Variants in CRYZ observed in about 807,000 individuals in gnomAD.
CRYZ encodes crystallin zeta.
In CRYZ, 35 loss-of-function variants were observed where a neutral mutation model predicts 34.1. The ratio of observed to expected loss-of-function variants is 1.03; its 90% CI spans 0.78 to 1.36. CRYZ has a LOEUF of 1.36. Ranked by LOEUF, CRYZ falls within the 40% of genes most tolerant of loss-of-function variation. CRYZ has a pLI of 0.00. For missense variants in CRYZ, 403 were observed against 391.8 expected, an observed-to-expected ratio of 1.03 and a Z score of -0.24; for synonymous variants, 137 against 136.5, an observed-to-expected ratio of 1.00 and a Z score of -0.03.
intron 5 of CRYZ, among the ~76,000 whole-genome samples, chr1:74,710,853 A>G (rs926384670): frequency 6.6e-6 from 1 of 152,236 alleles, no homozygotes; most frequent in East Asian, 1.9e-4. Flanking sequence ...GTGGAGGAAG[A>G]TAATAGTCAT....
intron 5 of CRYZ, among the ~76,000 whole-genome samples, chr1:74,711,744 C>A (rs937761904): frequency 1.3e-5 from 2 of 152,112 alleles, no homozygotes; most frequent in African/African-American, 4.8e-5. Context: ...CGGAGCAAGA[C>A]CCTGTCTCTA....
At chr1:74,711,867 T>G (rs899878620) in intron 5 of CRYZ, among the ~76,000 whole-genome samples, 3 of 152,162 alleles carry the variant, frequency 2.0e-5, no homozygotes, top group Non-Finnish European at 4.4e-5. Flanking sequence ...TCAAAAGGGT[T>G]CAACTGGAGA....
At chr1:74,732,007 A>T (rs1647781855) in intron 1 of CRYZ, among the ~76,000 whole-genome samples, 1 of 152,186 alleles carries the variant, frequency 6.6e-6, no homozygotes, top group Non-Finnish European at 1.5e-5. Context: ...GCTCCGGGAA[A>T]CCTGTAATTG....
At position 74,721,372 on chromosome 1, in the gene CRYZ, G is replaced by C. The variant is rs1302383276; in HGVS notation, c.264+1746C>G. Reference sequence around the variant, plus strand: ...AGAATAAACTACACTGTGAGGAGGAGTGGGAGTTAAGACTGGAAAGACAGA... The same window carrying C: ...AGAATAAACTACACTGTGAGGAGGACTGGGAGTTAAGACTGGAAAGACAGA... On this transcript the variant is annotated intron_variant, in intron 3 of 8. Coordinates refer to ENST00000340866, the MANE Select transcript of CRYZ (RefSeq NM_001889.4). Among the ~76,000 whole-genome samples the C allele has an allele frequency of 2.0e-5, 3 of 152,288 alleles. No individual in the cohort carries two copies. The East Asian group carries it at 5.8e-4, about 29-fold the overall frequency.
At position 74,706,209 on chromosome 1, in the gene CRYZ, TGTTA is replaced by T; in HGVS notation, c.*83_*86del. Reference sequence around the variant, plus strand: ...CACATAAGAAGCTCATGGAATCGAATGTTAATTAAAGAAAAGATAGGGTAAGTAC... The same window carrying T: ...CACATAAGAAGCTCATGGAATCGAATATTAAAGAAAAGATAGGGTAAGTAC... On this transcript the variant is annotated 3_prime_UTR_variant, in exon 9 of 9. Coordinates refer to ENST00000340866, the MANE Select transcript of CRYZ (RefSeq NM_001889.4). The T allele has an allele frequency of 8.8e-7, 1 of 1,141,494 alleles. No individual in the cohort carries two copies. The highest frequency in any genetic ancestry group is 1.2e-6 in the Non-Finnish European group (1 of 830,012). 70.7% of individuals were successfully genotyped at this position (1,141,494 alleles called of 1,614,324 possible). A position where few individuals can be genotyped will look rare whatever the true frequency, so the allele number is the denominator to read the frequency against.
In CRYZ at chr1:74,706,110, T is replaced by C. The variant is rs1557718930; in HGVS notation, c.*186A>G. On this transcript the variant is annotated 3_prime_UTR_variant, in exon 9 of 9. Coordinates refer to ENST00000340866, the MANE Select transcript of CRYZ (RefSeq NM_001889.4). ...ACTCTTTGATTTGAGACAGATGGCA[T>C]AAAAAAATATTGCTAGCTATACAAT... 1 of 481,856 alleles carries C rather than the reference T, an allele frequency of 2.1e-6. No individual in the cohort carries two copies. Among genetic ancestry groups the C allele is most frequent in the African/African-American group, 2.0e-5 (1 of 50,304 alleles). 29.8% of individuals were successfully genotyped at this position (481,856 alleles called of 1,614,324 possible). A position where few individuals can be genotyped will look rare whatever the true frequency, so the allele number is the denominator to read the frequency against.
chr1:74,712,317 C>T (rs965964023), intron 5 of CRYZ, among the ~76,000 whole-genome samples: 1 of 152,152 alleles, frequency 6.6e-6, no homozygotes, highest in Non-Finnish European at 1.5e-5. Flanking sequence ...GATATCTACT[C>T]TCTAGATGCC....
At chr1:74,731,746 A>G (rs1647756602) in intron 1 of CRYZ, among the ~76,000 whole-genome samples, 1 of 152,194 alleles carries the variant, frequency 6.6e-6, no homozygotes, top group Non-Finnish European at 1.5e-5. Context: ...GTGGCTTCAG[A>G]GGGACTCGCA....
At chr1:74,719,522 G>T in intron 3 of CRYZ, 150 bp from the exon 4 acceptor site, 1 of 603,098 alleles carries the variant, frequency 1.7e-6, no homozygotes, top group Non-Finnish European at 2.6e-6. Flanking sequence ...TTGAGACAGA[G>T]TCTTGCACTG....
chr1:74,709,279 C>T (rs1646970117), intron 6 of CRYZ, among the ~76,000 whole-genome samples: 1 of 152,058 alleles, frequency 6.6e-6, no homozygotes, highest in Admixed American at 6.6e-5. Context: ...AAAAACCATA[C>T]TCTTAAAATA....
intron 4 of CRYZ, among the ~76,000 whole-genome samples, chr1:74,717,238 A>T (rs909033700): frequency 3.3e-5 from 5 of 150,608 alleles, no homozygotes; most frequent in Non-Finnish European, 7.5e-5. Flanking sequence ...TCCTTAAAAA[A>T]AAAAATCCCT....
At chr1:74,732,763 C>T (rs1245433784) in intron 1 of CRYZ, 193 bp downstream of exon 1, 1 of 157,396 alleles carries the variant, frequency 6.4e-6, no homozygotes, top group African/African-American at 2.4e-5. Context: ...GCAAAACTTC[C>T]TACCTGATTT....
At chr1:74,726,053 C>G (rs945529632) in intron 1 of CRYZ, among the ~76,000 whole-genome samples, 3 of 152,212 alleles carry the variant, frequency 2.0e-5, no homozygotes, top group African/African-American at 7.2e-5. Context: ...TTTTCATGGG[C>G]TGGCATTGAG....
Position 74,724,780 on chromosome 1 carries a change from A to G in CRYZ, c.42T>C (p.Phe14=), listed in dbSNP as rs928692967. 18 of 1,613,390 alleles carry G rather than the reference A, an allele frequency of 1.1e-5. 1 individual carries two copies. In the South Asian group the frequency reaches 1.9e-4, roughly 17 times the overall value. ...GQKLMRAVRV[F]EFGGPEVLKL... is the part of the protein sequence containing the mutation. The stretch of plus-strand genomic sequence containing the variant: ...TCAGGACTTCTGGCCCACCAAATTC[A>G]AAAACTCTAACAGCTCTCATCAACT... The change falls in exon 2 of 9, where the codon TTT becomes TTC. Residue 14 remains phenylalanine, a synonymous_variant. Coordinates refer to ENST00000340866, the MANE Select transcript of CRYZ (RefSeq NM_001889.4).
Position 74,719,391 on chromosome 1 carries a change from G to C in CRYZ, c.265-19C>G. ...CACCTTTCTAGGGGAAGAGATAAAT[G>C]AATAAATGCAGGAAGACTAAACATA... On this transcript the variant is annotated intron_variant, in intron 3 of 8. Transcript: ENST00000340866. 1.3e-6 allele frequency: 2 copies of C among 1,597,704 alleles called. No individual in the cohort carries two copies. Among genetic ancestry groups the C allele is most frequent in the Non-Finnish European group, 1.7e-6 (2 of 1,168,370 alleles).
At chr1:74,723,412 T>A in intron 2 of CRYZ, 142 bp from the exon 3 acceptor site, 1 of 711,346 alleles carries the variant, frequency 1.4e-6, no homozygotes, top group Non-Finnish European at 2.3e-6. Context: ...CAAGCTCACA[T>A]TCCAAGTTTT....
intron 3 of CRYZ, among the ~76,000 whole-genome samples, chr1:74,721,993 GC>G (rs1471614112): frequency 1.3e-5 from 2 of 152,184 alleles, no homozygotes; most frequent in Non-Finnish European, 2.9e-5. Flanking sequence ...GTAGCTAGTG[GC>G]TACTGTTTTG....
At chr1:74,714,296 G>C (rs1310506329) in intron 5 of CRYZ, among the ~76,000 whole-genome samples, 1 of 152,064 alleles carries the variant, frequency 6.6e-6, no homozygotes, top group African/African-American at 2.4e-5. Flanking sequence ...TATGCTACTT[G>C]AAGGCAAAAA....
At chr1:74,727,275 G>C (rs527276618) in intron 1 of CRYZ, among the ~76,000 whole-genome samples, 63 of 129,032 alleles carry the variant, frequency 4.9e-4, no homozygotes, top group Middle Eastern at 3.9e-3. Flanking sequence ...AAAGGAAAGA[G>C]GTTTAAGGGA....
Sources: gnomAD v4.1 joint callset for allele counts (sites outside exome capture counted in the v4.1 genomes callset) on GRCh38, gnomAD v4.1.1 for gene constraint, MANE v1.5 for transcripts, NCBI Gene and HGNC (gene_info 2026-07-23, HGNC 2026-07-21) for gene names.